The following TSNAX variants were observed in gnomAD, a reference collection of about 807,000 sequenced individuals.
The protein encoded by TSNAX is translin associated factor X, also known as translin-associated protein X.
Under a neutral mutation model 33.0 loss-of-function variants are expected in TSNAX, and 12 were observed. That is an observed-to-expected ratio of 0.36 (90% confidence interval 0.23 to 0.59). TSNAX has a LOEUF of 0.59. TSNAX is among the 20% of genes least tolerant of loss of function. TSNAX has a pLI of 0.74. For synonymous variants in TSNAX, 110 were observed against 117.2 expected, an observed-to-expected ratio of 0.94 and a Z score of 0.40; for missense variants, 267 against 341.3, an observed-to-expected ratio of 0.78 and a Z score of 1.72.
chr1:231,528,764 C>A lies in TSNAX; in HGVS notation c.-47C>A. The A allele has an allele frequency of 1.2e-6, 2 of 1,613,724 alleles. No individual in the cohort carries two copies. The highest frequency in any genetic ancestry group is 1.7e-6 in the Non-Finnish European group (2 of 1,179,812). ...GCCTGTACCTCGCGCACTCCTCTTG[C>A]TCCAGGTCCTTCAGTCTCCGCTCGT... On this transcript the variant is annotated 5_prime_UTR_variant, in exon 1 of 6. Coordinates refer to ENST00000366639, the MANE Select transcript of TSNAX (RefSeq NM_005999.3).
intron 2 of TSNAX, among the ~76,000 whole-genome samples, chr1:231,530,229 C>T (rs1194101476): frequency 1.3e-5 from 2 of 152,320 alleles, no homozygotes; most frequent in East Asian, 3.9e-4. Flanking sequence ...AGAAGGGAGG[C>T]AGTTTTAAAA....
At position 231,542,498 on chromosome 1, in the gene TSNAX, A is replaced by G; in HGVS notation, c.254A>G (p.Asp85Gly). 1.2e-6 allele frequency: 2 copies of G among 1,614,022 alleles called. No homozygotes were observed. Among genetic ancestry groups the G allele is most frequent in the Middle Eastern group, 1.7e-4 (1 of 6,060 alleles). ...HRITSAPDMEDILTESEIKLD... is the reference protein window; with the variant it reads ...HRITSAPDMEGILTESEIKLD... ...GATCATAGTGCTCCTGATATGGAAG[A>G]TATATTGACTGAATCAGAAATTAAA... The change falls in exon 4 of 6, where the codon GAT (aspartate) becomes GGT (glycine). Residue 85 changes from aspartate (D) to glycine (G), a missense_variant. Around this residue, in one of 2 missense-constraint regions of TSNAX, gnomAD observed 200 missense variants for 214.1 expected, o/e 0.93. Transcript: ENST00000366639.
chr1:231,549,953 C>G (rs1279545929), intron 4 of TSNAX, among the ~76,000 whole-genome samples: 1 of 152,154 alleles, frequency 6.6e-6, no homozygotes, highest in South Asian at 2.1e-4. Flanking sequence ...AATTTGATGT[C>G]CCCTGAGGCC....
In TSNAX at chr1:231,528,752, G is replaced by A. The variant is rs1161387176; in HGVS notation, c.-59G>A. 3.1e-6 allele frequency: 5 copies of A among 1,610,582 alleles called. No individual in the cohort carries two copies. The highest frequency in any genetic ancestry group is 2.2e-5 in the East Asian group (1 of 44,858). Reference sequence around the variant, plus strand: ...CAGGTTCCCTCGGCCTGTACCTCGCGCACTCCTCTTGCTCCAGGTCCTTCA... The same window carrying A: ...CAGGTTCCCTCGGCCTGTACCTCGCACACTCCTCTTGCTCCAGGTCCTTCA... On this transcript the variant is annotated 5_prime_UTR_variant, in exon 1 of 6. Coordinates refer to ENST00000366639, the MANE Select transcript of TSNAX (RefSeq NM_005999.3).
At chr1:231,546,701 A>G (rs980709647) in intron 4 of TSNAX, among the ~76,000 whole-genome samples, 5 of 152,374 alleles carry the variant, frequency 3.3e-5, no homozygotes, top group Admixed American at 6.5e-5. Context: ...GACTTAACAA[A>G]CTAGAAATCG....
At chr1:231,531,536 T>G (rs1399284549) in intron 2 of TSNAX, among the ~76,000 whole-genome samples, 3 of 152,230 alleles carry the variant, frequency 2.0e-5, no homozygotes, top group Non-Finnish European at 4.4e-5. Flanking sequence ...TATCTAACTT[T>G]GTGTTCATAG....
At chr1:231,532,192 G>GT (rs1310875018) in intron 2 of TSNAX, among the ~76,000 whole-genome samples, 1 of 48,192 alleles carries the variant, frequency 2.1e-5, no homozygotes, top group African/African-American at 8.5e-5. Flanking sequence ...ACACAGTTTT[G>GT]GTTTTTTTTT....
In TSNAX at chr1:231,564,919, T is replaced by C. The variant is rs760683633; in HGVS notation, c.*14T>C. ...GGCATTTCTTAGAATCTAACGTTAC[T>C]CAGTTACTAATTCTTTTGAGAACTC... On this transcript the variant is annotated 3_prime_UTR_variant, in exon 6 of 6. Transcript: ENST00000366639. The C allele has an allele frequency of 8.2e-5, 132 of 1,606,260 alleles. No homozygotes were observed. Among genetic ancestry groups the C allele is most frequent in the Non-Finnish European group, 1.0e-4 (119 of 1,175,294 alleles).
At chr1:231,561,015 C>A in intron 4 of TSNAX, 113 bp from the exon 5 acceptor site, 1 of 1,008,278 alleles carries the variant, frequency 9.9e-7, no homozygotes, top group Non-Finnish European at 1.5e-6. Context: ...TTGTAGTAGG[C>A]ATCCATTAAG....
intron 4 of TSNAX, among the ~76,000 whole-genome samples, chr1:231,555,347 A>G (rs963996642): frequency 3.9e-5 from 6 of 152,194 alleles, no homozygotes; most frequent in African/African-American, 1.4e-4. Context: ...AGGTACCCAG[A>G]GTAGTCAAAA....
chr1:231,544,131 G>A (rs923937673), intron 4 of TSNAX, among the ~76,000 whole-genome samples: 2 of 152,178 alleles, frequency 1.3e-5, no homozygotes, highest in African/African-American at 4.8e-5. Context: ...GTAATCTTGA[G>A]GGCTACTGGG....
At chr1:231,540,734 C>G (rs1182642716) in intron 3 of TSNAX, among the ~76,000 whole-genome samples, 1 of 152,306 alleles carries the variant, frequency 6.6e-6, no homozygotes, top group South Asian at 2.1e-4. Context: ...AGGGTGACCT[C>G]TCTTGACGAT....
intron 4 of TSNAX, among the ~76,000 whole-genome samples, chr1:231,550,364 G>A (rs1660219843): frequency 6.6e-6 from 1 of 152,156 alleles, no homozygotes; most frequent in Admixed American, 6.5e-5. Context: ...CTGAGCTGTG[G>A]ACTTCTTTTG....
At chr1:231,543,177 CA>C (rs997607648) in intron 4 of TSNAX, among the ~76,000 whole-genome samples, 45 of 138,926 alleles carry the variant, frequency 3.2e-4, no homozygotes, top group African/African-American at 4.5e-4. Flanking sequence ...GACTCCGTCT[CA>C]AAAAAAAAAA....
intron 4 of TSNAX, among the ~76,000 whole-genome samples, chr1:231,560,220 C>A (rs2124943256): frequency 6.6e-6 from 1 of 151,808 alleles, no homozygotes; most frequent in South Asian, 2.1e-4. Flanking sequence ...ACCTCGTGAT[C>A]CACCCGCCTG....
At chr1:231,550,201 A>T (rs1171930709) in intron 4 of TSNAX, among the ~76,000 whole-genome samples, 1 of 152,232 alleles carries the variant, frequency 6.6e-6, no homozygotes, top group Non-Finnish European at 1.5e-5. Context: ...ACATATAATC[A>T]GCATATTTGG....
intron 4 of TSNAX, among the ~76,000 whole-genome samples, chr1:231,546,671 A>G (rs1659931762): frequency 6.6e-6 from 1 of 152,248 alleles, no homozygotes; most frequent in Non-Finnish European, 1.5e-5. Flanking sequence ...AAACAGATTA[A>G]TAAACTGTGA....
At chr1:231,546,572 A>G (rs1659924929) in intron 4 of TSNAX, among the ~76,000 whole-genome samples, 1 of 152,336 alleles carries the variant, frequency 6.6e-6, no homozygotes, top group Admixed American at 6.5e-5. Context: ...ATGGAATAAT[A>G]TAGCTAAAAA....
At chr1:231,552,847 CA>C (rs1660414944) in intron 4 of TSNAX, among the ~76,000 whole-genome samples, 1 of 152,166 alleles carries the variant, frequency 6.6e-6, no homozygotes, top group South Asian at 2.1e-4. Context: ...TGAATCAAAC[CA>C]TGTATGGCCT....
Sources: allele counts gnomAD v4.1 joint callset (sites outside exome capture counted in the v4.1 genomes callset), GRCh38; gene constraint gnomAD v4.1.1; regional missense constraint gnomAD v4.1.1; transcripts MANE v1.5; gene names NCBI Gene and HGNC (gene_info 2026-07-23, HGNC 2026-07-21).